CFAP44: variants seen among roughly 807,000 people sequenced by gnomAD.
CFAP44 encodes cilia and flagella associated protein 44.
CFAP44 carries 134 observed loss-of-function variants against 216.2 expected under a neutral mutation model. The observed-to-expected ratio is 0.62, with a 90% CI of 0.54 to 0.72. The LOEUF is 0.72. Ranked by LOEUF, CFAP44 falls within the 30% of genes least tolerant of loss-of-function variation. The pLI, the probability that CFAP44 is intolerant of heterozygous loss-of-function variation, is 0.00. For missense variants in CFAP44, 2,035 were observed against 2,182.1 expected (o/e 0.93, Z 1.34); for synonymous variants, 700 against 727.6 (o/e 0.96, Z 0.61).
intron 5 of CFAP44, among the ~76,000 whole-genome samples, chr3:113,419,266 C>T (rs1481688097): frequency 6.6e-6 from 1 of 152,120 alleles, no homozygotes; most frequent in East Asian, 1.9e-4. Context: ...ACAGTTATTG[C>T]CACATTATCA....
Position 113,330,671 on chromosome 3 carries a change from G to A in CFAP44, c.3616-3C>T, listed in dbSNP as rs1003503906. On this transcript the variant is annotated splice_region_variant and splice_polypyrimidine_tract_variant and intron_variant, in intron 25 of 34. Transcript: ENST00000393845. ...ATGTGCCTTTTATTTCCATGGACCT[G>A]AAAAAAAGAAGAGGAAGGAAACAAC... 6 of 1,520,064 alleles carry A rather than the reference G, an allele frequency of 3.9e-6. No individual in the cohort carries two copies. Among genetic ancestry groups the A allele is most frequent in the Non-Finnish European group, 5.3e-6 (6 of 1,141,006 alleles). The allele number at this position is 1,520,064 out of a possible 1,614,324, so 94.2% of individuals were successfully genotyped here. A position where few individuals can be genotyped will look rare whatever the true frequency, so the allele number is the denominator to read the frequency against.
chr3:113,352,380 C>T (rs540498185), intron 22 of CFAP44, among the ~76,000 whole-genome samples: 41 of 152,268 alleles, frequency 2.7e-4, no homozygotes, highest in Middle Eastern at 6.8e-3. Flanking sequence ...TGCTGCTGCT[C>T]ACTCTTTGGG....
At position 113,290,758 on chromosome 3, in the gene CFAP44, C is replaced by A. The variant is rs1329495869; in HGVS notation, c.*799G>T. The A allele has an allele frequency of 2.0e-5, 3 of 152,100 alleles. No individual in the cohort carries two copies. The highest frequency in any genetic ancestry group is 7.2e-5 in the African/African-American group (3 of 41,404). 9.4% of individuals were successfully genotyped at this position (152,100 alleles called of 1,614,324 possible). ...ATCTATATCAAAACCAGCAAATGGC[C>A]CAAGTAAAACCTGAAAGAAAATGGC... On this transcript the variant is annotated 3_prime_UTR_variant, in exon 35 of 35. Coordinates refer to ENST00000393845, the MANE Select transcript of CFAP44 (RefSeq NM_001164496.2).
intron 15 of CFAP44, among the ~76,000 whole-genome samples, chr3:113,389,004 T>A (rs1012882419): frequency 2.6e-5 from 4 of 152,162 alleles, no homozygotes; most frequent in Non-Finnish European, 5.9e-5. Context: ...TTGGACTTAA[T>A]CTGCACTATA....
rs373603281 is a variant in CFAP44, at chr3:113,403,897, C to T, written c.1125G>A (p.Leu375=). The T allele has an allele frequency of 3.1e-6, 5 of 1,613,994 alleles. No individual in the cohort carries two copies. The East Asian group carries it at 8.9e-5, about 29-fold the overall frequency. The part of the protein sequence containing the change: ...CHNGPINQIM[L]YEGEVITVGS... ...CAACAGTGATAACTTCACCCTCATA[C>T]AGCATTATCTGGTTAATGGGACCAT... The change falls in exon 9 of 35, where the codon CTG becomes CTA. Residue 375 remains leucine, a synonymous_variant. Transcript: ENST00000393845.
chr3:113,407,016 T>C lies in CFAP44; in HGVS notation c.916A>G (p.Thr306Ala). ...IKFWEMAFTF[T>A]GLKLQGSLGR... ...AGTGATCCCTGCAGCTTGAGACCGG[T>C]GAACGTAAAAGCCATTTCCCAGAAC... The change falls in exon 8 of 35, where the codon ACC (threonine) becomes GCC (alanine). Residue 306 changes from threonine (T) to alanine (A), a missense_variant. This residue lies in a region of CFAP44 where 1,883 missense variants were observed against 2,023.7 expected (regional missense o/e 0.93). Coordinates refer to ENST00000393845, the MANE Select transcript of CFAP44 (RefSeq NM_001164496.2). 1 of 1,614,088 alleles carries C rather than the reference T, an allele frequency of 6.2e-7. No individual in the cohort carries two copies. The highest frequency in any genetic ancestry group is 8.5e-7 in the Non-Finnish European group (1 of 1,180,000).
chr3:113,422,183 T>C lies in CFAP44; in HGVS notation c.408-2004A>G, dbSNP rs549811888. Among the ~76,000 whole-genome samples, 10 of 152,280 alleles carry C rather than the reference T, an allele frequency of 6.6e-5. No individual in the cohort carries two copies. In the South Asian group the frequency reaches 2.1e-3, roughly 32 times the overall value. ...TATCCTATAGTGTAGCTTAAGCAGA[T>C]AGATTCTTTGTTCACAATAATTTGT... On this transcript the variant is annotated intron_variant, in intron 4 of 34. Coordinates refer to ENST00000393845, the MANE Select transcript of CFAP44 (RefSeq NM_001164496.2).
At chr3:113,419,990 T>G (rs1025512186) in intron 5 of CFAP44, 27 bp downstream of exon 5, 16 of 1,600,816 alleles carry the variant, frequency 1.0e-5, no homozygotes, top group East Asian at 4.5e-5. Context: ...TTTTTTGGGG[T>G]TTTTTTCTAA....
At chr3:113,307,618 C>T (rs1308446035) in intron 29 of CFAP44, among the ~76,000 whole-genome samples, 6 of 152,146 alleles carry the variant, frequency 3.9e-5, no homozygotes, top group Non-Finnish European at 8.8e-5. Flanking sequence ...TTTGATGTAT[C>T]CTTAGCATCA....
intron 27 of CFAP44, 29 bp from the exon 28 acceptor site, chr3:113,326,669 T>A: frequency 7.3e-7 from 1 of 1,373,648 alleles, no homozygotes; most frequent in Non-Finnish European, 9.7e-7. Context: ...GGACAAATGA[T>A]AAATATTTCT....
chr3:113,286,936 GAA>G lies in CFAP44; in HGVS notation c.*4619_*4620del, dbSNP rs1389550495. The G allele has an allele frequency of 3.0e-6, 4 of 1,340,422 alleles. No homozygotes were observed. The highest frequency in any genetic ancestry group is 3.0e-6 in the Non-Finnish European group (3 of 990,844). 83.0% of individuals were successfully genotyped at this position (1,340,422 alleles called of 1,614,324 possible). On this transcript the variant is annotated 3_prime_UTR_variant, in exon 35 of 35. Transcript: ENST00000393845. ...AAAAAAAGAAGAAAAAAGAGACAGA[GAA>G]AATTGGTATTTATTTTTCTATTATA...
chr3:113,433,100 C>T (rs993648739), intron 2 of CFAP44, among the ~76,000 whole-genome samples: 2 of 151,998 alleles, frequency 1.3e-5, no homozygotes, highest in Non-Finnish European at 2.9e-5. Context: ...TTTATGGAGC[C>T]CACCTTCCTA....
At chr3:113,428,302 T>C (rs1935015906) in intron 2 of CFAP44, among the ~76,000 whole-genome samples, 1 of 152,208 alleles carries the variant, frequency 6.6e-6, no homozygotes, top group African/African-American at 2.4e-5. Flanking sequence ...AACTGGTAGA[T>C]AAGGTGATCA....
Position 113,291,350 on chromosome 3 carries a change from T to C in CFAP44, c.*207A>G. ...GTTCGAAACATCTAAAATGATTCAG[T>C]TTCATAACAGAGGTTGGGTGCTGCA... On this transcript the variant is annotated 3_prime_UTR_variant, in exon 35 of 35. Transcript: ENST00000393845. 3.7e-6 allele frequency: 2 copies of C among 538,544 alleles called. No homozygotes were observed. Among genetic ancestry groups the C allele is most frequent in the Non-Finnish European group, 3.2e-6 (1 of 308,142 alleles). The allele number at this position is 538,544 out of a possible 1,614,324, so 33.4% of individuals were successfully genotyped here.
In CFAP44 at chr3:113,341,729, TA is replaced by T. The variant is rs60590429; in HGVS notation, c.3437+14del. ...CATATTAAAAAGATAAGAGTTTAGG[TA>T]AAAAAAAACTCACAGTTCCTCCCAT... On this transcript the variant is annotated intron_variant, in intron 24 of 34. Transcript: ENST00000393845. The T allele has an allele frequency of 6.1e-5, 88 of 1,454,486 alleles. No individual in the cohort carries two copies. Among genetic ancestry groups the T allele is most frequent in the Middle Eastern group, 3.9e-4 (2 of 5,152 alleles). The allele number at this position is 1,454,486 out of a possible 1,614,324, so 90.1% of individuals were successfully genotyped here.
At chr3:113,369,125 A>C (rs1933058921) in intron 18 of CFAP44, among the ~76,000 whole-genome samples, 2 of 152,118 alleles carry the variant, frequency 1.3e-5, no homozygotes, top group Admixed American at 6.5e-5. Flanking sequence ...TAGACTCCCA[A>C]ACAATAATAA....
intron 18 of CFAP44, among the ~76,000 whole-genome samples, chr3:113,368,520 C>T (rs1435930894): frequency 1.1e-4 from 16 of 152,152 alleles, no homozygotes; most frequent in African/African-American, 3.9e-4. Flanking sequence ...AAATAAAATA[C>T]TTTACAGACA....
chr3:113,344,440 A>G, intron 23 of CFAP44, 76 bp downstream of exon 23: 2 of 1,300,138 alleles, frequency 1.5e-6, no homozygotes, highest in South Asian at 1.4e-5. Flanking sequence ...AGAAGGTTCA[A>G]TGGTTCTGTC....
chr3:113,311,930 C>A (rs1471777009), intron 28 of CFAP44, among the ~76,000 whole-genome samples: 3 of 152,094 alleles, frequency 2.0e-5, no homozygotes, highest in Non-Finnish European at 4.4e-5. Flanking sequence ...TTTGCCCCTG[C>A]CCTAGAGATT....
Sources: gnomAD v4.1 joint callset for allele counts (sites outside exome capture counted in the v4.1 genomes callset) on GRCh38, gnomAD v4.1.1 for gene constraint, gnomAD v4.1.1 regional missense constraint, MANE v1.5 for transcripts, NCBI Gene and HGNC (gene_info 2026-07-23, HGNC 2026-07-21) for gene names.